PCDHGA3: variants seen among roughly 807,000 people sequenced by gnomAD.
PCDHGA3 encodes protocadherin gamma subfamily A, 3.
PCDHGA3 carries 40 observed loss-of-function variants against 58.5 expected under a neutral mutation model. The observed-to-expected ratio is 0.68, with a 90% CI of 0.53 to 0.89. The LOEUF (loss-of-function observed/expected upper bound fraction) is 0.89. Among genes scored for constraint, PCDHGA3 ranks in the 40% least tolerant of loss-of-function variants. The pLI is 0.00. For missense variants in PCDHGA3, 1,223 were observed against 1,195.9 expected (o/e 1.02, Z -0.33); for synonymous variants, 530 against 525.7 (o/e 1.01, Z -0.11).
At position 141,350,948 on chromosome 5, in the gene PCDHGA3, A is replaced by G. The variant is rs1758601820; in HGVS notation, c.2424+4491A>G. On this transcript the variant is annotated intron_variant, in intron 1 of 3. Transcript: ENST00000253812. The stretch of plus-strand genomic sequence containing the variant: ...CACCACCCATATCTGGATCCGAGTT[A>G]CGGATGCCAATGATAATGCTCCCGT... The G allele has an allele frequency of 1.9e-6, 3 of 1,614,088 alleles. No individual in the cohort carries two copies. In the East Asian group the frequency reaches 6.7e-5, roughly 36 times the overall value.
intron 1 of PCDHGA3, chr5:141,383,504 G>T (rs373658496): frequency 6.2e-7 from 1 of 1,612,766 alleles, no homozygotes; most frequent in South Asian, 1.1e-5. Context: ...GTGCTGGACC[G>T]GGAGGAAGAG....
At chr5:141,427,896 C>T in intron 1 of PCDHGA3, 2 of 1,570,508 alleles carry the variant, frequency 1.3e-6, no homozygotes, top group Non-Finnish European at 1.7e-6. Context: ...CCAGGGCTCG[C>T]CCGCGCTCAG....
At chr5:141,500,223 T>TATTG (rs1554186512) in intron 2 of PCDHGA3, among the ~76,000 whole-genome samples, 5 of 145,410 alleles carry the variant, frequency 3.4e-5, no homozygotes, top group African/African-American at 5.2e-5. Context: ...TTTATTTATT[T>TATTG]ATTGATACGT....
chr5:141,423,513 G>C, intron 1 of PCDHGA3: 3 of 1,613,750 alleles, frequency 1.9e-6, no homozygotes, highest in Non-Finnish European at 1.7e-6. Flanking sequence ...CTCTCATTGC[G>C]GACTCGCAGA....
rs781550738 is a variant in PCDHGA3 at position 141,487,383 on chromosome 5, C to A, written c.2425-7424C>A. On this transcript the variant is annotated intron_variant, in intron 1 of 3. Transcript: ENST00000253812. This position sits in a 1 kb window ranked among gnomAD's most constrained non-coding sequence, Gnocchi z 5.0. Reference sequence around the variant, plus strand: ...GGCACCTGTGCCTGTCTCACCAGATCTCGAAGGAGGGAGGGGCTTCCCCCT... The same window carrying A: ...GGCACCTGTGCCTGTCTCACCAGATATCGAAGGAGGGAGGGGCTTCCCCCT... The A allele has an allele frequency of 3.7e-6, 6 of 1,614,196 alleles. No individual in the cohort carries two copies. The South Asian group carries it at 6.6e-5, about 18-fold the overall frequency.
chr5:141,505,267 A>G (rs2099845018), intron 2 of PCDHGA3, 126 bp from the exon 3 acceptor site: 1 of 1,514,640 alleles, frequency 6.6e-7, no homozygotes, highest in Admixed American at 2.0e-5. Flanking sequence ...TACCTTGCTG[A>G]GAGAAACAGG....
rs371173445 is a variant in PCDHGA3 at position 141,383,743 on chromosome 5, C to A, written c.2424+37286C>A. ...CAATGGGGAAGTGACATATTCTTTT[C>A]GGAAAATAACTCCTAAACTTCCAAA... On this transcript the variant is annotated intron_variant, in intron 1 of 3. Transcript: ENST00000253812. 2.0e-5 allele frequency: 32 copies of A among 1,613,922 alleles called. No individual in the cohort carries two copies. The South Asian group carries it at 3.3e-4, about 17-fold the overall frequency.
At chr5:141,404,238 C>T (rs764561008) in intron 1 of PCDHGA3, 3 of 1,613,712 alleles carry the variant, frequency 1.9e-6, no homozygotes, top group Non-Finnish European at 2.5e-6. Context: ...GACAGAGGAA[C>T]TCCGCCCCTG....
At chr5:141,488,069 C>T (rs1197698273) in intron 1 of PCDHGA3, among the ~76,000 whole-genome samples, 1 of 152,072 alleles carries the variant, frequency 6.6e-6, no homozygotes, top group Non-Finnish European at 1.5e-5. Context: ...ATCTTTGTCT[C>T]CCAGTATCTA....
At chr5:141,425,521 C>A (rs2096880944) in intron 1 of PCDHGA3, among the ~76,000 whole-genome samples, 1 of 152,210 alleles carries the variant, frequency 6.6e-6, no homozygotes, top group Non-Finnish European at 1.5e-5. Flanking sequence ...TATGATGAAA[C>A]ATGAAACAAT....
chr5:141,457,574 T>C (rs992522039), intron 1 of PCDHGA3, among the ~76,000 whole-genome samples: 2 of 152,238 alleles, frequency 1.3e-5, no homozygotes, highest in Non-Finnish European at 2.9e-5. Context: ...AAAATTTTTC[T>C]CTCCAGTCCT....
intron 1 of PCDHGA3, among the ~76,000 whole-genome samples, chr5:141,447,749 T>G (rs1462661604): frequency 6.6e-6 from 1 of 152,196 alleles, no homozygotes; most frequent in Non-Finnish European, 1.5e-5. Context: ...GAGTCTTGCA[T>G]GTGACTGTAT....
intron 1 of PCDHGA3, chr5:141,419,102 A>G (rs201327680): frequency 4.5e-5 from 73 of 1,613,748 alleles, no homozygotes; most frequent in Non-Finnish European, 5.9e-5. Flanking sequence ...TCGGGAGCAG[A>G]CCCCAGAGTA....
At chr5:141,440,558 T>C (rs546919141) in intron 1 of PCDHGA3, 1 of 152,350 alleles carries the variant, frequency 6.6e-6, no homozygotes, top group East Asian at 1.9e-4. Context: ...TGTTATTAAG[T>C]TACGTATCTC....
rs1207647899 is a variant in PCDHGA3, at chr5:141,491,938, C to T, written c.2425-2869C>T. The T allele has an allele frequency of 1.6e-5, 19 of 1,199,190 alleles. No homozygotes were observed. Among genetic ancestry groups the T allele is most frequent in the Non-Finnish European group, 2.1e-5 (18 of 875,372 alleles). 74.3% of individuals were successfully genotyped at this position (1,199,190 alleles called of 1,614,324 possible). ...TGTGGGCGAGGGGAGGTGGGACCGA[C>T]CCCCACCCCTACACTCAAAAAAGGC... is the stretch of plus-strand genomic sequence containing the variant. On this transcript the variant is annotated intron_variant, in intron 1 of 3. Coordinates refer to ENST00000253812, the MANE Select transcript of PCDHGA3 (RefSeq NM_018916.4). This position sits in a 1 kb window ranked among gnomAD's most constrained non-coding sequence, Gnocchi z 6.9.
chr5:141,389,935 C>A, intron 1 of PCDHGA3: 1 of 1,614,084 alleles, frequency 6.2e-7, no homozygotes, highest in Non-Finnish European at 8.5e-7. Flanking sequence ...GACCTCCAGG[C>A]TGAGCTGCAG....
At chr5:141,384,882 C>A in intron 1 of PCDHGA3, 1 of 1,613,872 alleles carries the variant, frequency 6.2e-7, no homozygotes, top group South Asian at 1.1e-5. Context: ...TCACACTCAC[C>A]GTGGCTGTGG....
chr5:141,442,779 A>G (rs1453800627), intron 1 of PCDHGA3, among the ~76,000 whole-genome samples: 1 of 152,160 alleles, frequency 6.6e-6, no homozygotes, highest in Non-Finnish European at 1.5e-5. Context: ...GTTTGATTAT[A>G]TTTTATAATT....
Position 141,345,442 on chromosome 5 carries a change from C to T in PCDHGA3, c.1409C>T (p.Ser470Phe), listed in dbSNP as rs756507522. The T allele has an allele frequency of 1.2e-6, 2 of 1,614,134 alleles. No homozygotes were observed. Among genetic ancestry groups the T allele is most frequent in the South Asian group, 1.1e-5 (1 of 91,074 alleles). ...CCAGAAAACAACCCCAGAGGAGCCT[C>T]CATCTTCTCAGTGACAGCCCAGGAC... ...YIPENNPRGA[S>F]IFSVTAQDPD... Residue 470 changes from serine to phenylalanine, a missense_variant, in exon 1 of 4, where the codon TCC (serine) becomes TTC (phenylalanine). This residue lies in a region of PCDHGA3 where 791 missense variants were observed against 708.5 expected (regional missense o/e 1.12). Transcript: ENST00000253812.
Sources: gnomAD v4.1 joint callset for allele counts (sites outside exome capture counted in the v4.1 genomes callset) on GRCh38, gnomAD v4.1.1 for gene constraint, gnomAD v4.1.1 regional missense constraint, Gnocchi (gnomAD v3.1) non-coding constraint, MANE v1.5 for transcripts, NCBI Gene and HGNC (gene_info 2026-07-23, HGNC 2026-07-21) for gene names.